The following TMEM144 variants were observed in gnomAD, a reference collection of about 807,000 sequenced individuals.
TMEM144 encodes the protein transmembrane protein 144.
TMEM144 carries 39 observed loss-of-function variants against 43.6 expected under a neutral mutation model. That is an observed-to-expected ratio of 0.90 (90% CI 0.69 to 1.17). The LOEUF (loss-of-function observed/expected upper bound fraction) is 1.17. TMEM144 is among the 50% of genes most tolerant of loss of function. The pLI is 0.00. For missense variants in TMEM144, 417 were observed against 411.9 expected, an observed-to-expected ratio of 1.01 and a Z score of -0.11; for synonymous variants, 154 against 133.6, an observed-to-expected ratio of 1.15 and a Z score of -1.06.
At chr4:158,235,394 A>T (rs761340864) in intron 7 of TMEM144, 44 bp from the exon 8 acceptor site, 3 of 1,596,340 alleles carry the variant, frequency 1.9e-6, no homozygotes, top group African/African-American at 1.3e-5. Context: ...GTGATTATCA[A>T]TTGAATGTTC....
intron 1 of TMEM144, 23 bp from the exon 2 acceptor site, chr4:158,211,430 C>T (rs10019333): frequency 0.61 from 93,072 of 152,068 alleles, 32,485 homozygotes; most frequent in East Asian, 0.93. Context: ...TGTTAGCTAT[C>T]ACCCAGTCAT....
intron 6 of TMEM144, among the ~76,000 whole-genome samples, chr4:158,226,011 G>A (rs1326998460): frequency 2.0e-5 from 3 of 152,232 alleles, no homozygotes; most frequent in South Asian, 2.1e-4. Context: ...TTAGTGGAGC[G>A]GGGGACAATC....
At chr4:158,249,934 T>TGTGTGTGTGTGTGTGTA (rs1303140050) in intron 12 of TMEM144, among the ~76,000 whole-genome samples, 1 of 87,742 alleles carries the variant, frequency 1.1e-5, no homozygotes, top group Non-Finnish European at 2.7e-5. Context: ...GTGTGTGTGT[T>TGTGTGTGTGTGTGTGTA]TAAATAAGCT....
intron 6 of TMEM144, among the ~76,000 whole-genome samples, chr4:158,229,150 T>C (rs1734931872): frequency 6.6e-6 from 1 of 152,148 alleles, no homozygotes. Context: ...TTGGGTCTGG[T>C]TCCTAGGCGC....
Position 158,253,512 on chromosome 4 carries a change from T to C in TMEM144, c.1023T>C (p.Ala341=). 1 of 1,613,570 alleles carries C rather than the reference T, an allele frequency of 6.2e-7. No individual in the cohort carries two copies. The highest frequency in any genetic ancestry group is 8.5e-7 in the Non-Finnish European group (1 of 1,179,686). ...TCTTGACTGGAGCCTTATGCACTGC[T>C]TTTTCTAAAATCTAACAATGACAAA... ...CIILTGALCT[A]FSKI The change falls in exon 13 of 13, where the codon GCT becomes GCC. Residue 341 remains alanine, a synonymous_variant. Coordinates refer to ENST00000296529, the MANE Select transcript of TMEM144 (RefSeq NM_018342.5).
intron 12 of TMEM144, among the ~76,000 whole-genome samples, chr4:158,248,124 A>T (rs34672419): frequency 1.2e-4 from 10 of 84,478 alleles, no homozygotes; most frequent in African/African-American, 4.3e-4. Context: ...GCAAAGAATT[A>T]AAAAAAAAAA....
Position 158,232,881 on chromosome 4 carries a change from A to C in TMEM144, c.414-20A>C. On this transcript the variant is annotated intron_variant, in intron 6 of 12. Coordinates refer to ENST00000296529, the MANE Select transcript of TMEM144 (RefSeq NM_018342.5). ...AACCAGTATTATGATAAATATCACT[A>C]AAATTTATTTTCCTTACAGTGCTTT... 1 of 1,560,346 alleles carries C rather than the reference A, an allele frequency of 6.4e-7. No homozygotes were observed. The highest frequency in any genetic ancestry group is 1.1e-5 in the South Asian group (1 of 87,478).
chr4:158,249,895 TGTG>T (rs1736102787), intron 12 of TMEM144, among the ~76,000 whole-genome samples: 1 of 110,598 alleles, frequency 9.0e-6, no homozygotes, highest in Non-Finnish European at 1.9e-5. Context: ...CAGGTGTGTG[TGTG>T]TGTGTGTGTG....
chr4:158,224,069 A>C (rs1281431552), intron 6 of TMEM144, among the ~76,000 whole-genome samples: 1 of 152,174 alleles, frequency 6.6e-6, no homozygotes, highest in African/African-American at 2.4e-5. Context: ...CTTCGCCAGC[A>C]TCTATTGTTT....
chr4:158,213,044 T>G (rs1007074343), intron 3 of TMEM144: 8 of 533,176 alleles, frequency 1.5e-5, no homozygotes, highest in Admixed American at 3.4e-5. Flanking sequence ...AAATTTATAG[T>G]CAGTTCTACT....
intron 8 of TMEM144, chr4:158,235,742 G>C: frequency 2.7e-6 from 1 of 373,524 alleles, no homozygotes. Context: ...CAAATGATAA[G>C]TAGATAATAA....
chr4:158,247,593 A>G (rs1012249042), intron 12 of TMEM144, among the ~76,000 whole-genome samples: 5 of 152,238 alleles, frequency 3.3e-5, no homozygotes, highest in Non-Finnish European at 7.4e-5. Context: ...CTTCCAATGT[A>G]TCACCAACAA....
rs944226508 is a variant in TMEM144, at chr4:158,251,149, A to G, written c.955-2295A>G. On this transcript the variant is annotated intron_variant, in intron 12 of 12. Coordinates refer to ENST00000296529, the MANE Select transcript of TMEM144 (RefSeq NM_018342.5). ...TCTAATAGTATTATTAAATAGTGTTATTATCTGATTGTAATCTTAGATGTA... is the reference window on the plus strand; with the variant it reads ...TCTAATAGTATTATTAAATAGTGTTGTTATCTGATTGTAATCTTAGATGTA... 2.6e-5 allele frequency among the ~76,000 whole-genome samples: 4 copies of G among 152,254 alleles called. No homozygotes were observed. The South Asian group carries it at 8.3e-4, about 32-fold the overall frequency.
chr4:158,240,735 T>G (rs1735592037), intron 10 of TMEM144, among the ~76,000 whole-genome samples: 1 of 152,248 alleles, frequency 6.6e-6, no homozygotes, highest in South Asian at 2.1e-4. Flanking sequence ...TCATCATTCT[T>G]TACTATTTCT....
chr4:158,248,518 G>A (rs1736009395), intron 12 of TMEM144, among the ~76,000 whole-genome samples: 1 of 152,122 alleles, frequency 6.6e-6, no homozygotes, highest in African/African-American at 2.4e-5. Flanking sequence ...ATTCAATGCA[G>A]ACACCTAATT....
intron 12 of TMEM144, among the ~76,000 whole-genome samples, chr4:158,248,123 TAAAAA>T (rs753919532): frequency 1.0e-5 from 1 of 99,632 alleles, no homozygotes; most frequent in Non-Finnish European, 2.1e-5. Context: ...AGCAAAGAAT[TAAAAA>T]AAAAAAAAAA....
intron 6 of TMEM144, among the ~76,000 whole-genome samples, chr4:158,232,189 T>G (rs1487584166): frequency 6.6e-6 from 1 of 152,248 alleles, no homozygotes; most frequent in African/African-American, 2.4e-5. Context: ...GTTGCAAAGA[T>G]ACAGGACATC....
At chr4:158,222,274 T>A (rs144649220) in intron 6 of TMEM144, among the ~76,000 whole-genome samples, 1 of 152,308 alleles carries the variant, frequency 6.6e-6, no homozygotes, top group Non-Finnish European at 1.5e-5. Context: ...AACCTTTGAA[T>A]GTTCCCCACT....
intron 6 of TMEM144, among the ~76,000 whole-genome samples, chr4:158,228,342 A>G (rs1734880771): frequency 6.6e-6 from 1 of 152,028 alleles, no homozygotes; most frequent in Non-Finnish European, 1.5e-5. Context: ...CAAGTTCCCA[A>G]GACTGGTGCT....
Sources: allele counts gnomAD v4.1 joint callset (sites outside exome capture counted in the v4.1 genomes callset), GRCh38; gene constraint gnomAD v4.1.1; transcripts MANE v1.5; gene names NCBI Gene and HGNC (gene_info 2026-07-23, HGNC 2026-07-21).